The following COG2 variants were observed in gnomAD, a reference collection of about 807,000 sequenced individuals.
COG2 encodes conserved oligomeric Golgi complex subunit 2.
COG2 carries 52 observed loss-of-function variants against 90.6 expected under a neutral mutation model. The ratio of observed to expected loss-of-function variants is 0.57; its 90% CI spans 0.46 to 0.72. COG2 has a LOEUF of 0.72. Ranked by LOEUF, COG2 falls within the 30% of genes least tolerant of loss-of-function variation. COG2 has a pLI of 0.00. For missense variants in COG2, 829 were observed against 891.2 expected (o/e 0.93, Z 0.89); for synonymous variants, 337 against 320.4 (o/e 1.05, Z -0.55).
At chr1:230,648,662 G>C (rs1245761896) in intron 1 of COG2, among the ~76,000 whole-genome samples, 1 of 152,168 alleles carries the variant, frequency 6.6e-6, no homozygotes, top group Admixed American at 6.5e-5. Flanking sequence ...TGAACTCATG[G>C]TCCCTTGAGT....
chr1:230,688,657 G>A lies in COG2; in HGVS notation c.1794+95G>A, dbSNP rs547046415. On this transcript the variant is annotated intron_variant, in intron 15 of 17. Transcript: ENST00000366669. ...AGGAAGGAAGCGGCGGATTCCCAGG[G>A]TAGCCTGAGACAGACTGAGCTCATC... 1.8e-5 allele frequency: 25 copies of A among 1,382,126 alleles called. No individual in the cohort carries two copies. In the East Asian group the frequency reaches 3.7e-4, roughly 20 times the overall value. The allele number at this position is 1,382,126 out of a possible 1,614,324, so 85.6% of individuals were successfully genotyped here. A position where few individuals can be genotyped will look rare whatever the true frequency, so the allele number is the denominator to read the frequency against.
At chr1:230,664,128 G>A (rs1662255898) in intron 4 of COG2, among the ~76,000 whole-genome samples, 1 of 152,060 alleles carries the variant, frequency 6.6e-6, no homozygotes, top group African/African-American at 2.4e-5. Context: ...AGTTGAGGCT[G>A]CAGTGAGCCA....
At chr1:230,685,312 A>T in intron 12 of COG2, 76 bp downstream of exon 12, 1 of 1,478,092 alleles carries the variant, frequency 6.8e-7, no homozygotes, top group South Asian at 1.2e-5. Context: ...ACTCCCTAAG[A>T]TTTTTGTAAA....
intron 10 of COG2, chr1:230,679,877 G>A (rs971695594): frequency 5.3e-5 from 8 of 152,240 alleles, no homozygotes; most frequent in East Asian, 3.9e-4. Context: ...TTCCCCTAGC[G>A]TTCTGAGGAA....
intron 11 of COG2, among the ~76,000 whole-genome samples, chr1:230,684,114 A>G (rs1662827252): frequency 6.6e-6 from 1 of 152,168 alleles, no homozygotes; most frequent in African/African-American, 2.4e-5. Context: ...TTAATAAGGT[A>G]AAAATAAACC....
intron 1 of COG2, among the ~76,000 whole-genome samples, chr1:230,647,837 T>C (rs1324686732): frequency 7.2e-6 from 1 of 138,678 alleles, no homozygotes; most frequent in Non-Finnish European, 1.5e-5. Flanking sequence ...CTTTTTATTT[T>C]TTTAATTATT....
intron 1 of COG2, among the ~76,000 whole-genome samples, chr1:230,655,861 T>C (rs1662033882): frequency 6.6e-6 from 1 of 152,240 alleles, no homozygotes; most frequent in African/African-American, 2.4e-5. Flanking sequence ...ATCCATTTCT[T>C]CTAGATTTTC....
intron 3 of COG2, 27 bp downstream of exon 3, chr1:230,660,850 G>C (rs1445719814): frequency 6.7e-7 from 1 of 1,486,632 alleles, no homozygotes; most frequent in Non-Finnish European, 9.1e-7. Context: ...ACATCAAACA[G>C]TTTACCCTAA....
intron 1 of COG2, among the ~76,000 whole-genome samples, chr1:230,645,989 G>A (rs1661766112): frequency 6.6e-6 from 1 of 152,126 alleles, no homozygotes; most frequent in Non-Finnish European, 1.5e-5. Context: ...GGGGACGCTG[G>A]TGTAGGGGTC....
rs377285547 is a variant in COG2 at position 230,668,694 on chromosome 1, A to C, written c.504A>C (p.Gln168His). The change falls in exon 6 of 18, where the codon CAA becomes CAC. Residue 168 changes from glutamine to histidine, a missense_variant. Physicochemically the swap from Gln to His is conservative, Grantham distance 24. Transcript: ENST00000366669. ...LEASSPLLTGQILERIATEFN... is the reference protein window; with the variant it reads ...LEASSPLLTGHILERIATEFN... The stretch of plus-strand genomic sequence containing the variant: ...CTACTAGCCCCCTTTTGACTGGACA[A>C]ATTTTGGAGAGAATTGCCACAGAAT... 51 of 1,611,370 alleles carry C rather than the reference A, an allele frequency of 3.2e-5. No individual in the cohort carries two copies. The highest frequency in any genetic ancestry group is 1.6e-4 in the Middle Eastern group (1 of 6,072).
intron 6 of COG2, 109 bp downstream of exon 6, chr1:230,668,893 A>T: frequency 2.9e-6 from 2 of 679,558 alleles, no homozygotes; most frequent in Non-Finnish European, 4.7e-6. Context: ...CTAACCTTGC[A>T]TTTTTTTTCA....
At chr1:230,686,378 A>G (rs1662884446) in intron 12 of COG2, among the ~76,000 whole-genome samples, 2 of 152,222 alleles carry the variant, frequency 1.3e-5, no homozygotes, top group Admixed American at 1.3e-4. Context: ...CTTGCTAGCC[A>G]GGAATTCTCC....
intron 1 of COG2, among the ~76,000 whole-genome samples, chr1:230,649,407 C>A (rs1661861677): frequency 6.6e-6 from 1 of 152,128 alleles, no homozygotes; most frequent in South Asian, 2.1e-4. Flanking sequence ...AGGAAGGGTT[C>A]CCTTCCCACA....
chr1:230,646,229 C>G (rs1661773340), intron 1 of COG2, among the ~76,000 whole-genome samples: 1 of 152,202 alleles, frequency 6.6e-6, no homozygotes, highest in African/African-American at 2.4e-5. Context: ...TCTCCCTTCA[C>G]TCTTAAATTC....
intron 5 of COG2, among the ~76,000 whole-genome samples, chr1:230,665,484 G>A (rs1662298409): frequency 6.6e-6 from 1 of 152,144 alleles, no homozygotes; most frequent in South Asian, 2.1e-4. Flanking sequence ...AGTCCTGATC[G>A]TATTATCAAG....
At chr1:230,644,644 C>T (rs1160689471) in intron 1 of COG2, among the ~76,000 whole-genome samples, 2 of 152,160 alleles carry the variant, frequency 1.3e-5, no homozygotes, top group African/African-American at 2.4e-5. Context: ...GTTTAGGTTG[C>T]CATAGATCAT....
At chr1:230,671,801 C>T (rs1168593934) in intron 8 of COG2, among the ~76,000 whole-genome samples, 161 bp downstream of exon 8, 1 of 152,148 alleles carries the variant, frequency 6.6e-6, no homozygotes, top group East Asian at 1.9e-4. Context: ...TACTGTGAGG[C>T]AGATTCCATT....
intron 9 of COG2, among the ~76,000 whole-genome samples, chr1:230,676,339 G>T (rs753733962): frequency 5.4e-5 from 8 of 148,662 alleles, no homozygotes; most frequent in Non-Finnish European, 1.2e-4. Flanking sequence ...ATTCCATTTT[G>T]TCCCCTCTAC....
intron 1 of COG2, among the ~76,000 whole-genome samples, chr1:230,659,214 A>C (rs1234516876): frequency 6.6e-6 from 1 of 152,166 alleles, no homozygotes; most frequent in South Asian, 2.1e-4. Flanking sequence ...GTTTTGAAAA[A>C]GAAGTTCACT....
Sources: gnomAD v4.1 joint callset for allele counts (sites outside exome capture counted in the v4.1 genomes callset) on GRCh38, gnomAD v4.1.1 for gene constraint, MANE v1.5 for transcripts, NCBI Gene and HGNC (gene_info 2026-07-23, HGNC 2026-07-21) for gene names.